The following COL25A1 variants were observed in gnomAD, a reference collection of about 807,000 sequenced individuals.
COL25A1 encodes collagen alpha-1(XXV) chain.
In COL25A1, 103 loss-of-function variants were observed where a neutral mutation model predicts 128.4. The ratio of observed to expected loss-of-function variants is 0.80; its 90% CI spans 0.68 to 0.94. The LOEUF (loss-of-function observed/expected upper bound fraction) is 0.94. Among genes scored for constraint, COL25A1 ranks in the 40% least tolerant of loss-of-function variants. COL25A1 has a pLI of 0.00. For synonymous variants in COL25A1, 279 were observed against 277.2 expected (o/e 1.01, Z -0.06); for missense variants, 745 against 840.0 (o/e 0.89, Z 1.40).
chr4:109,092,918 T>C (rs1765043004), intron 3 of COL25A1, among the ~76,000 whole-genome samples: 1 of 152,018 alleles, frequency 6.6e-6, no homozygotes, highest in African/African-American at 2.4e-5. Flanking sequence ...GGGGTAAAAA[T>C]AACCTATATT....
In COL25A1 at chr4:109,001,321, A is replaced by G. The variant is rs560927474; in HGVS notation, c.438+9037T>C. Among the ~76,000 whole-genome samples, 7 of 65,472 alleles carry G rather than the reference A, an allele frequency of 1.1e-4. No homozygotes were observed. The South Asian group carries it at 3.8e-3, about 35-fold the overall frequency. 43.0% of individuals were successfully genotyped at this position (65,472 alleles called of 152,430 possible). On this transcript the variant is annotated intron_variant, in intron 6 of 37. Coordinates refer to ENST00000399132, the MANE Select transcript of COL25A1 (RefSeq NM_198721.4). ...AGCAATGAGTGGCCAGACAACAGGC[A>G]TATCTTCGCAGCGTGCAGAATGGCA...
rs528977396 is a variant in COL25A1, at chr4:109,181,038, A to G, written c.367+119545T>C. ...ACATTTGTGGAGGTCTGCATTGAGC[A>G]AAGTGGGCTCTGTCCATCAGGAAGC... On this transcript the variant is annotated intron_variant, in intron 3 of 37. Coordinates refer to ENST00000399132, the MANE Select transcript of COL25A1 (RefSeq NM_198721.4). Among the ~76,000 whole-genome samples the G allele has an allele frequency of 1.1e-3, 165 of 152,328 alleles. 1 individual carries two copies. Among genetic ancestry groups the G allele is most frequent in the African/African-American group, 3.8e-3 (160 of 41,590 alleles).
At chr4:109,161,198 G>A (rs572840839) in intron 3 of COL25A1, among the ~76,000 whole-genome samples, 11 of 152,140 alleles carry the variant, frequency 7.2e-5, no homozygotes, top group South Asian at 4.2e-4. Flanking sequence ...TTTTGCACCC[G>A]GGAGATATTT....
intron 31 of COL25A1, among the ~76,000 whole-genome samples, chr4:108,839,398 A>G (rs2125745746): frequency 6.6e-6 from 1 of 152,354 alleles, no homozygotes; most frequent in East Asian, 1.9e-4. Context: ...GGATGTTTGC[A>G]GTACAGCCAC....
At chr4:108,950,129 G>A (rs960148698) in intron 8 of COL25A1, among the ~76,000 whole-genome samples, 5 of 152,032 alleles carry the variant, frequency 3.3e-5, no homozygotes, top group Non-Finnish European at 5.9e-5. Flanking sequence ...CAAGCTCTTA[G>A]ACGACCCTTT....
At chr4:109,008,144 G>A (rs1021631753) in intron 6 of COL25A1, among the ~76,000 whole-genome samples, 1 of 152,218 alleles carries the variant, frequency 6.6e-6, no homozygotes, top group Non-Finnish European at 1.5e-5. Context: ...GACAGTGCTA[G>A]AATACAGGTC....
intron 6 of COL25A1, among the ~76,000 whole-genome samples, chr4:109,009,775 A>T (rs555408419): frequency 1.8e-4 from 27 of 152,224 alleles, no homozygotes; most frequent in African/African-American, 6.0e-4. Context: ...CTGAAAACTC[A>T]CGTATTTTTT....
chr4:108,926,957 C>T (rs1307446745), intron 11 of COL25A1, among the ~76,000 whole-genome samples: 1 of 151,882 alleles, frequency 6.6e-6, no homozygotes, highest in Non-Finnish European at 1.5e-5. Context: ...ATGTAAAAGC[C>T]AGTGATTTAG....
intron 20 of COL25A1, among the ~76,000 whole-genome samples, chr4:108,863,834 G>A (rs974860535): frequency 1.3e-5 from 2 of 152,152 alleles, no homozygotes; most frequent in Non-Finnish European, 2.9e-5. Context: ...CAGGTTCTCT[G>A]GCCTTTGGAT....
At chr4:109,173,384 C>T (rs540967751) in intron 3 of COL25A1, among the ~76,000 whole-genome samples, 14 of 152,126 alleles carry the variant, frequency 9.2e-5, no homozygotes, top group Non-Finnish European at 1.6e-4. Flanking sequence ...ATTCTGATGT[C>T]CAAGATACTT....
intron 3 of COL25A1, among the ~76,000 whole-genome samples, chr4:109,136,581 G>A (rs114544079): frequency 0.01 from 1,597 of 152,134 alleles, 15 homozygotes; most frequent in African/African-American, 0.029. Context: ...GGAGAAGGAA[G>A]AATGTCCCAT....
chr4:109,167,700 T>C (rs551442248), intron 3 of COL25A1, among the ~76,000 whole-genome samples: 8 of 152,264 alleles, frequency 5.3e-5, no homozygotes, highest in African/African-American at 1.7e-4. Flanking sequence ...GGCTGAACAC[T>C]GTGTTAAGCT....
chr4:108,900,935 T>C (rs1179576384), intron 14 of COL25A1, among the ~76,000 whole-genome samples, 184 bp downstream of exon 14: 1 of 152,176 alleles, frequency 6.6e-6, no homozygotes, highest in Non-Finnish European at 1.5e-5. Context: ...TTAATACTAA[T>C]GAGAATCACA....
At chr4:108,910,445 T>C (rs1744071727) in intron 13 of COL25A1, among the ~76,000 whole-genome samples, 1 of 152,244 alleles carries the variant, frequency 6.6e-6, no homozygotes, top group South Asian at 2.1e-4. Context: ...GACAGTTATA[T>C]GTATTACTTT....
chr4:109,199,604 C>T (rs890426688), intron 3 of COL25A1, among the ~76,000 whole-genome samples: 1 of 151,470 alleles, frequency 6.6e-6, no homozygotes, highest in Non-Finnish European at 1.5e-5. Context: ...ATTTTTAAAA[C>T]AATACATGAA....
chr4:109,013,611 C>T (rs1167641319), intron 5 of COL25A1, among the ~76,000 whole-genome samples: 3 of 151,846 alleles, frequency 2.0e-5, no homozygotes, highest in Admixed American at 2.0e-4. Context: ...CTCCTGAGGC[C>T]AGCGAGACCA....
intron 19 of COL25A1, among the ~76,000 whole-genome samples, chr4:108,871,611 G>A (rs940624566): frequency 2.0e-5 from 3 of 152,094 alleles, no homozygotes; most frequent in Non-Finnish European, 4.4e-5. Flanking sequence ...CCACCGCACC[G>A]GGCCTGATTG....
intron 3 of COL25A1, among the ~76,000 whole-genome samples, chr4:109,128,257 G>C (rs930116496): frequency 1.3e-5 from 2 of 152,100 alleles, no homozygotes; most frequent in East Asian, 3.9e-4. Context: ...CCTTAGATAA[G>C]AGGAAGCTGA....
chr4:109,117,166 T>G (rs940996120), intron 3 of COL25A1, among the ~76,000 whole-genome samples: 2 of 151,774 alleles, frequency 1.3e-5, no homozygotes, highest in African/African-American at 4.8e-5. Context: ...CCAAGCAGGA[T>G]AAATGCCCCC....
Sources: allele counts gnomAD v4.1 joint callset (sites outside exome capture counted in the v4.1 genomes callset), GRCh38; gene constraint gnomAD v4.1.1; transcripts MANE v1.5; gene names NCBI Gene and HGNC (gene_info 2026-07-23, HGNC 2026-07-21).